The following ADAMTS18 variants were observed in gnomAD, a reference collection of about 807,000 sequenced individuals.
ADAMTS18 encodes ADAM metallopeptidase with thrombospondin type 1 motif 18.
Under a neutral mutation model 165.9 loss-of-function variants are expected in ADAMTS18, and 157 were observed. That is an observed-to-expected ratio of 0.95 (90% CI 0.83 to 1.08). The LOEUF (loss-of-function observed/expected upper bound fraction) is 1.08. ADAMTS18 is among the 50% of genes least tolerant of loss of function. The pLI is 0.00. For synonymous variants in ADAMTS18, 782 were observed against 578.2 expected (o/e 1.35, Z -5.06); for missense variants, 2,040 against 1,534.0 (o/e 1.33, Z -5.51).
At chr16:77,406,039 C>T (rs534344180) in intron 3 of ADAMTS18, among the ~76,000 whole-genome samples, 1 of 152,172 alleles carries the variant, frequency 6.6e-6, no homozygotes, top group African/African-American at 2.4e-5. Context: ...GGTAGTCTAA[C>T]TTTGATACCC....
intron 22 of ADAMTS18, among the ~76,000 whole-genome samples, chr16:77,288,980 G>A (rs2055308904): frequency 6.6e-6 from 1 of 152,160 alleles, no homozygotes; most frequent in African/African-American, 2.4e-5. Context: ...AGCTACTCAG[G>A]AGGCTGAGGC....
At chr16:77,320,818 G>C (rs2055983389) in intron 15 of ADAMTS18, among the ~76,000 whole-genome samples, 1 of 152,186 alleles carries the variant, frequency 6.6e-6, no homozygotes, top group Admixed American at 6.5e-5. Flanking sequence ...CTTAACAAAT[G>C]CACTTGGACA....
chr16:77,357,107 C>G (rs906623855), intron 8 of ADAMTS18, among the ~76,000 whole-genome samples: 6 of 137,284 alleles, frequency 4.4e-5, no homozygotes, highest in Non-Finnish European at 1.6e-5. Context: ...GTGTCTTAGA[C>G]CATATATTTA....
At chr16:77,291,538 G>GAGGCAGTTTGACATAAGGTTGCACCATC in intron 20 of ADAMTS18, 60 bp from the exon 21 acceptor site, 1 of 1,543,694 alleles carries the variant, frequency 6.5e-7, no homozygotes, top group South Asian at 1.1e-5. Context: ...CTTCTGGACA[G>GAGGCAGTTTGACATAAGGTTGCACCATC]AGGCAGTTTG....
At chr16:77,414,599 G>C (rs1567551032) in intron 3 of ADAMTS18, among the ~76,000 whole-genome samples, 1 of 152,056 alleles carries the variant, frequency 6.6e-6, no homozygotes, top group Non-Finnish European at 1.5e-5. Context: ...TACAGCGCTA[G>C]CCTGAAGCAA....
intron 3 of ADAMTS18, among the ~76,000 whole-genome samples, chr16:77,403,558 A>G (rs928995654): frequency 1.3e-5 from 2 of 152,214 alleles, no homozygotes; most frequent in Non-Finnish European, 2.9e-5. Context: ...CAATAGTAAT[A>G]GTTCCCTGCC....
intron 22 of ADAMTS18, among the ~76,000 whole-genome samples, chr16:77,287,181 G>T (rs76684747): frequency 6.6e-6 from 1 of 152,104 alleles, no homozygotes; most frequent in Non-Finnish European, 1.5e-5. Context: ...GCAGAGTACC[G>T]TACCTGGTCC....
chr16:77,339,148 A>C (rs533636020), intron 11 of ADAMTS18, among the ~76,000 whole-genome samples: 45 of 151,138 alleles, frequency 3.0e-4, no homozygotes, highest in African/African-American at 1.0e-3. Flanking sequence ...AAACAAGTAA[A>C]ACCAGGGCAC....
chr16:77,354,246 A>G (rs78406714), intron 9 of ADAMTS18, among the ~76,000 whole-genome samples: 2,756 of 152,328 alleles, frequency 0.018, 55 homozygotes, highest in Non-Finnish European at 0.029. Context: ...AACCTTAGAC[A>G]AAGCACTAAA....
Position 77,363,554 on chromosome 16 carries a change from ACT to A in ADAMTS18, c.1056+246_1056+247del, listed in dbSNP as rs567587644. 7.6e-4 allele frequency among the ~76,000 whole-genome samples: 115 copies of A among 150,874 alleles called. 1 individual carries two copies. The South Asian group carries it at 0.019, about 25-fold the overall frequency. On this transcript the variant is annotated intron_variant, in intron 6 of 22. Transcript: ENST00000282849. ...ATTATCTATTTGTATATTATTTAGT[ACT>A]TATGTACCATTATTTATGTATACAT...
rs138266115 is a variant in ADAMTS18, at chr16:77,363,923, T to A, written c.973-38A>T. On this transcript the variant is annotated intron_variant, in intron 5 of 22. Coordinates refer to ENST00000282849, the MANE Select transcript of ADAMTS18 (RefSeq NM_199355.4). ...TGGAAATCAAACAAAATCTCAAAAT[T>A]TTCAAAACCTTAGGGGGAATCAATC... The A allele has an allele frequency of 3.9e-5, 62 of 1,597,986 alleles. No homozygotes were observed. In the African/African-American group the frequency reaches 7.1e-4, roughly 18 times the overall value.
intron 3 of ADAMTS18, among the ~76,000 whole-genome samples, chr16:77,389,516 G>A (rs1241705605): frequency 6.6e-6 from 1 of 152,170 alleles, no homozygotes; most frequent in Non-Finnish European, 1.5e-5. Flanking sequence ...AGGCACTGAA[G>A]TAGGACCTGC....
chr16:77,351,325 AT>A (rs1244407686), intron 10 of ADAMTS18, among the ~76,000 whole-genome samples: 1 of 152,098 alleles, frequency 6.6e-6, no homozygotes, highest in Non-Finnish European at 1.5e-5. Context: ...TTATTTTGGA[AT>A]TTTCATTTCT....
intron 3 of ADAMTS18, 151 bp downstream of exon 3, chr16:77,431,144 G>T: frequency 1.2e-6 from 1 of 817,470 alleles, no homozygotes; most frequent in Non-Finnish European, 2.0e-6. Flanking sequence ...GAGCACATTA[G>T]ATTAATTCAA....
rs140716153 is a variant in ADAMTS18, at chr16:77,295,022, T to G, written c.2907A>C (p.Ala969=). 38 of 1,614,088 alleles carry G rather than the reference T, an allele frequency of 2.4e-5. No homozygotes were observed. Among genetic ancestry groups the G allele is most frequent in the Non-Finnish European group, 3.1e-5 (37 of 1,180,044 alleles). ...TCACTGGACAGAGAGAATGCAACAC[T>G]GCTTCCTCCTTTTGGAAGGGCTTCT... The part of the protein sequence containing the change: ...VQKKPFQKEE[A]VLHSLCPVST... Residue 969 remains alanine (A), a synonymous_variant, in exon 19 of 23, where the codon GCA becomes GCC. Coordinates refer to ENST00000282849, the MANE Select transcript of ADAMTS18 (RefSeq NM_199355.4).
chr16:77,286,107 C>G (rs920577988), intron 22 of ADAMTS18, among the ~76,000 whole-genome samples: 5 of 152,138 alleles, frequency 3.3e-5, no homozygotes, highest in African/African-American at 4.8e-5. Flanking sequence ...CACCTTGTTT[C>G]TTGTACTCCA....
chr16:77,308,313 G>A (rs917698546), intron 16 of ADAMTS18, among the ~76,000 whole-genome samples: 1 of 152,154 alleles, frequency 6.6e-6, no homozygotes, highest in Non-Finnish European at 1.5e-5. Flanking sequence ...TTATCAGACA[G>A]GGATGAAGTT....
At chr16:77,371,497 T>G (rs532710048) in intron 3 of ADAMTS18, among the ~76,000 whole-genome samples, 3 of 152,252 alleles carry the variant, frequency 2.0e-5, no homozygotes, top group East Asian at 3.9e-4. Flanking sequence ...GCCTATTAAT[T>G]TTTAACAAAG....
intron 17 of ADAMTS18, 82 bp downstream of exon 17, chr16:77,300,181 A>C: frequency 6.5e-7 from 1 of 1,546,778 alleles, no homozygotes; most frequent in African/African-American, 1.4e-5. Context: ...TATTTAAACC[A>C]TATTATGTTA....
Sources: allele counts gnomAD v4.1 joint callset (sites outside exome capture counted in the v4.1 genomes callset), GRCh38; gene constraint gnomAD v4.1.1; transcripts MANE v1.5; gene names NCBI Gene and HGNC (gene_info 2026-07-23, HGNC 2026-07-21).